RNF130: variants seen among roughly 807,000 people sequenced by gnomAD.
RNF130 encodes ring finger protein 130, also known as E3 ubiquitin-protein ligase RNF130.
A neutral mutation model predicts 44.6 loss-of-function variants in RNF130; 21 were observed. That is an observed-to-expected ratio of 0.47 (90% CI 0.33 to 0.68). RNF130 has a LOEUF of 0.68. Among genes scored for constraint, RNF130 ranks in the 30% least tolerant of loss-of-function variants. The pLI, the probability that RNF130 is intolerant of heterozygous loss-of-function variation, is 0.02. For missense variants in RNF130, 479 were observed against 560.6 expected (o/e 0.85, Z 1.47); for synonymous variants, 214 against 210.4 (o/e 1.02, Z -0.15).
intron 1 of RNF130, among the ~76,000 whole-genome samples, chr5:180,044,677 C>G (rs940844573): frequency 6.6e-6 from 1 of 151,972 alleles, no homozygotes; most frequent in African/African-American, 2.4e-5. Flanking sequence ...ACTAAAAATA[C>G]AAAAATTAGC....
chr5:180,070,287 G>C (rs1248297578), intron 1 of RNF130, among the ~76,000 whole-genome samples: 2 of 152,200 alleles, frequency 1.3e-5, no homozygotes, highest in African/African-American at 4.8e-5. Context: ...ACACAGTAGA[G>C]ATGAGATATG....
At chr5:180,049,275 G>C (rs188253994) in intron 1 of RNF130, among the ~76,000 whole-genome samples, 1 of 152,338 alleles carries the variant, frequency 6.6e-6, no homozygotes, top group Non-Finnish European at 1.5e-5. Flanking sequence ...CTATTTGGGA[G>C]TGGAGAGCCC....
At chr5:180,051,238 A>ATATATATTTATTTATTTATT (rs140645406) in intron 1 of RNF130, among the ~76,000 whole-genome samples, 1 of 144,096 alleles carries the variant, frequency 6.9e-6, no homozygotes, top group Non-Finnish European at 1.5e-5. Flanking sequence ...TATAGATATT[A>ATATATATTTATTTATTTATT]TATTTATTTA....
intron 7 of RNF130, chr5:179,964,091 T>G (rs1040593444): frequency 6.5e-6 from 1 of 154,720 alleles, no homozygotes; most frequent in African/African-American, 2.4e-5. Flanking sequence ...TTCTCTCTTA[T>G]GCATGGGCTT....
chr5:179,997,732 GC>G (rs1763237887), intron 3 of RNF130, among the ~76,000 whole-genome samples: 1 of 152,124 alleles, frequency 6.6e-6, no homozygotes, highest in Non-Finnish European at 1.5e-5. Context: ...CTCCCAAAGT[GC>G]TGGGATTATA....
chr5:180,011,776 A>G (rs1450614889), intron 3 of RNF130, among the ~76,000 whole-genome samples: 1 of 152,060 alleles, frequency 6.6e-6, no homozygotes, highest in Non-Finnish European at 1.5e-5. Context: ...TAAAAAAAAA[A>G]AAGTTTTTTA....
intron 3 of RNF130, among the ~76,000 whole-genome samples, chr5:179,996,194 T>C (rs141569554): frequency 3.3e-4 from 51 of 152,354 alleles, no homozygotes; most frequent in Non-Finnish European, 2.1e-4. Context: ...TATTCCTATG[T>C]ATTTTATTCT....
intron 3 of RNF130, among the ~76,000 whole-genome samples, chr5:179,996,016 T>C (rs1325732138): frequency 6.6e-6 from 1 of 152,240 alleles, no homozygotes; most frequent in Non-Finnish European, 1.5e-5. Flanking sequence ...ACTGGCATTT[T>C]GATAGGGATT....
intron 1 of RNF130, among the ~76,000 whole-genome samples, chr5:180,061,415 G>A (rs948587339): frequency 2.0e-5 from 3 of 152,154 alleles, no homozygotes; most frequent in South Asian, 2.1e-4. Flanking sequence ...TTCCAGTGGC[G>A]GCCGCAAGAC....
chr5:179,975,822 C>T (rs1762705150), intron 5 of RNF130, among the ~76,000 whole-genome samples: 1 of 152,182 alleles, frequency 6.6e-6, no homozygotes, highest in Admixed American at 6.5e-5. Flanking sequence ...AGACCACAAA[C>T]ACAAACCACT....
intron 1 of RNF130, among the ~76,000 whole-genome samples, chr5:180,059,573 G>T (rs1764921006): frequency 1.3e-5 from 2 of 152,180 alleles, no homozygotes; most frequent in Admixed American, 6.5e-5. Context: ...GAATTAGTCT[G>T]CTGATAACAT....
At chr5:179,998,137 C>T (rs907300816) in intron 3 of RNF130, among the ~76,000 whole-genome samples, 1 of 152,206 alleles carries the variant, frequency 6.6e-6, no homozygotes, top group African/African-American at 2.4e-5. Flanking sequence ...CTGTGCTTGG[C>T]CTGTTTTTGC....
At chr5:180,024,770 C>T (rs1216233700) in intron 2 of RNF130, among the ~76,000 whole-genome samples, 1 of 152,140 alleles carries the variant, frequency 6.6e-6, no homozygotes, top group African/African-American at 2.4e-5. Flanking sequence ...TAAAAGCCTA[C>T]CGTTTTTTCA....
chr5:179,998,854 A>ATT lies in RNF130; in HGVS notation c.693+14205_693+14206dup, dbSNP rs1243410906. On this transcript the variant is annotated intron_variant, in intron 3 of 8. Transcript: ENST00000521389. ...GTTTATCTCTCTCTTTAGATCTAGTATTTTTTATATATATATATATATATA... is the reference window on the plus strand; with the variant it reads ...GTTTATCTCTCTCTTTAGATCTAGTATTTTTTTTATATATATATATATATATA... Among the ~76,000 whole-genome samples, 24 of 88,288 alleles carry ATT rather than the reference A, an allele frequency of 2.7e-4. 1 individual carries two copies. Among genetic ancestry groups the ATT allele is most frequent in the Middle Eastern group, 0.011 (2 of 176 alleles). The allele number at this position is 88,288 out of a possible 152,430, so 57.9% of individuals were successfully genotyped here. A position where few individuals can be genotyped will look rare whatever the true frequency, so the allele number is the denominator to read the frequency against.
At chr5:179,995,006 G>C (rs1355410275) in intron 3 of RNF130, among the ~76,000 whole-genome samples, 2 of 152,148 alleles carry the variant, frequency 1.3e-5, no homozygotes, top group East Asian at 3.9e-4. Context: ...GGGTAGAGCT[G>C]GACTGGGCAA....
At chr5:179,933,928 C>A in intron 7 of RNF130, 3 of 541,444 alleles carry the variant, frequency 5.5e-6, no homozygotes, top group South Asian at 5.2e-5. Flanking sequence ...GCAGACTGTT[C>A]TGCCATTTTT....
intron 3 of RNF130, among the ~76,000 whole-genome samples, chr5:179,998,595 A>G (rs141289135): frequency 6.6e-6 from 1 of 152,086 alleles, no homozygotes; most frequent in African/African-American, 2.4e-5. Context: ...AACTGTGCCT[A>G]GCTGATATCA....
chr5:179,953,741 A>G (rs1426068314), downstream of RNF130, among the ~76,000 whole-genome samples: 2 of 147,300 alleles, frequency 1.4e-5, no homozygotes, highest in African/African-American at 2.7e-5. Context: ...ACAATCAACC[A>G]AAGGAAAAAT....
intron 7 of RNF130, among the ~76,000 whole-genome samples, chr5:179,938,358 T>C (rs943688713): frequency 6.6e-6 from 1 of 151,688 alleles, no homozygotes; most frequent in Non-Finnish European, 1.5e-5. Flanking sequence ...CCAGAACAGG[T>C]ATATCATGGG....
Sources: allele counts gnomAD v4.1 joint callset (sites outside exome capture counted in the v4.1 genomes callset), GRCh38; gene constraint gnomAD v4.1.1; transcripts MANE v1.5; gene names NCBI Gene and HGNC (gene_info 2026-07-23, HGNC 2026-07-21).